MEGF11: variants seen among roughly 807,000 people sequenced by gnomAD.
MEGF11 encodes multiple epidermal growth factor-like domains protein 11.
MEGF11 carries 126 observed loss-of-function variants against 146.6 expected under a neutral mutation model. That is an observed-to-expected ratio of 0.86 (90% confidence interval 0.74 to 1.00). MEGF11 has a LOEUF of 1.00. Among genes scored for constraint, MEGF11 ranks in the 50% least tolerant of loss-of-function variants. The pLI is 0.00. For missense variants in MEGF11, 1,509 were observed against 1,521.2 expected (o/e 0.99, Z 0.13); for synonymous variants, 532 against 583.4 (o/e 0.91, Z 1.27).
intron 13 of MEGF11, among the ~76,000 whole-genome samples, chr15:65,926,910 G>A (rs1490669419): frequency 6.6e-6 from 1 of 152,110 alleles, no homozygotes; most frequent in East Asian, 1.9e-4. Flanking sequence ...CTTTACTGAC[G>A]GGCAGGAGCC....
chr15:66,137,708 G>A (rs1034556546), intron 1 of MEGF11, among the ~76,000 whole-genome samples: 1 of 151,572 alleles, frequency 6.6e-6, no homozygotes, highest in African/African-American at 2.4e-5. Context: ...TTCACACTAC[G>A]ACACCTGGCT....
chr15:66,092,251 G>C (rs1436468957), intron 5 of MEGF11, among the ~76,000 whole-genome samples: 2 of 152,234 alleles, frequency 1.3e-5, no homozygotes, highest in African/African-American at 4.8e-5. Context: ...GCTCTTAGCA[G>C]AGCATCTAAA....
intron 4 of MEGF11, among the ~76,000 whole-genome samples, chr15:66,104,859 G>C (rs906647762): frequency 6.6e-6 from 1 of 152,116 alleles, no homozygotes; most frequent in Non-Finnish European, 1.5e-5. Context: ...GGCAAAACGC[G>C]AGTCCTCTCA....
intron 8 of MEGF11, among the ~76,000 whole-genome samples, chr15:65,966,188 G>T (rs1596923349): frequency 6.6e-6 from 1 of 152,244 alleles, no homozygotes; most frequent in South Asian, 2.1e-4. Flanking sequence ...TAGAGACGGG[G>T]TTTCACCATG....
chr15:65,965,596 CTTTCTTTTTTTTTTTTCTTT>C (rs1018396337), intron 8 of MEGF11, among the ~76,000 whole-genome samples: 5 of 14,662 alleles, frequency 3.4e-4, no homozygotes, highest in Middle Eastern at 0.038. Flanking sequence ...TTCTTTCTTT[CTTTCTTTTTTTTTTTTCTTT>C]TTTTTTTTTT....
chr15:65,910,267 C>A (rs758392227), intron 21 of MEGF11, among the ~76,000 whole-genome samples: 2 of 152,178 alleles, frequency 1.3e-5, no homozygotes, highest in Admixed American at 1.3e-4. Context: ...TTTCCTGCGA[C>A]CAAAGGAAAG....
At chr15:66,040,926 TC>T (rs11435723) in intron 5 of MEGF11, among the ~76,000 whole-genome samples, 2 of 145,074 alleles carry the variant, frequency 1.4e-5, no homozygotes, top group African/African-American at 5.1e-5. Context: ...TTTTTTTTTT[TC>T]CCCCCCGGTT....
intron 10 of MEGF11, among the ~76,000 whole-genome samples, chr15:65,936,393 A>C (rs893849895): frequency 6.6e-6 from 1 of 152,144 alleles, no homozygotes; most frequent in African/African-American, 2.4e-5. Context: ...TACATAATGG[A>C]TCCTTGATAA....
intron 1 of MEGF11, among the ~76,000 whole-genome samples, chr15:66,174,459 T>C (rs567509530): frequency 6.6e-6 from 1 of 152,298 alleles, no homozygotes; most frequent in African/African-American, 2.4e-5. Context: ...CTGGATCCTC[T>C]CTCAACCCTG....
Position 66,064,038 on chromosome 15 carries a change from C to T in MEGF11, c.394+30364G>A, listed in dbSNP as rs893818124. Among the ~76,000 whole-genome samples the T allele has an allele frequency of 3.3e-5, 5 of 152,310 alleles. No homozygotes were observed. In the South Asian group the frequency reaches 6.2e-4, roughly 19 times the overall value. On this transcript the variant is annotated intron_variant, in intron 5 of 25. Coordinates refer to ENST00000395614, the MANE Select transcript of MEGF11 (RefSeq NM_001385028.1). ...CCCATGTTCAGAACCTATCACCACA[C>T]CTGCCACCTAGCACGTTGATGAAAC...
chr15:65,902,271 C>T (rs1469571088), intron 24 of MEGF11: 1 of 152,172 alleles, frequency 6.6e-6, no homozygotes, highest in African/African-American at 2.4e-5. Flanking sequence ...CAATTGTTGG[C>T]TCTGGAGCAG....
chr15:66,077,077 C>T (rs1296576068), intron 5 of MEGF11, among the ~76,000 whole-genome samples: 2 of 152,212 alleles, frequency 1.3e-5, no homozygotes, highest in Middle Eastern at 3.2e-3. Flanking sequence ...CAGGGGCTCC[C>T]CATGCCCACA....
At chr15:66,060,120 C>T (rs1397808035) in intron 5 of MEGF11, among the ~76,000 whole-genome samples, 2 of 151,106 alleles carry the variant, frequency 1.3e-5, no homozygotes, top group South Asian at 2.1e-4. Context: ...AGATGAGTGA[C>T]TAGGAGATGG....
chr15:66,035,964 C>A (rs1010302234), intron 5 of MEGF11, among the ~76,000 whole-genome samples: 1 of 152,252 alleles, frequency 6.6e-6, no homozygotes, highest in Admixed American at 6.5e-5. Context: ...CTGCTTTCAG[C>A]ACAGCTGTGG....
intron 1 of MEGF11, among the ~76,000 whole-genome samples, chr15:66,173,889 G>C (rs1344399385): frequency 2.6e-5 from 4 of 152,214 alleles, no homozygotes; most frequent in African/African-American, 9.6e-5. Flanking sequence ...CATCCTGGCA[G>C]CTCAAGTCAA....
At chr15:66,178,507 A>C (rs1430880599) in intron 1 of MEGF11, among the ~76,000 whole-genome samples, 1 of 152,154 alleles carries the variant, frequency 6.6e-6, no homozygotes, top group Admixed American at 6.5e-5. Flanking sequence ...AGGTTTTAGC[A>C]CCTGAATTCC....
intron 15 of MEGF11, 139 bp from the exon 16 acceptor site, chr15:65,918,233 C>G: frequency 8.7e-7 from 1 of 1,146,054 alleles, no homozygotes; most frequent in Non-Finnish European, 1.2e-6. Flanking sequence ...ACCACGCCCG[C>G]CTTGGTACCC....
At chr15:66,192,361 T>C (rs927966571) in intron 1 of MEGF11, among the ~76,000 whole-genome samples, 1 of 151,564 alleles carries the variant, frequency 6.6e-6, no homozygotes. Flanking sequence ...TCCCAGCTAT[T>C]TGGGAGGCTG....
intron 5 of MEGF11, among the ~76,000 whole-genome samples, chr15:66,033,896 A>G (rs2083627597): frequency 6.6e-6 from 1 of 152,136 alleles, no homozygotes; most frequent in African/African-American, 2.4e-5. Context: ...GGTTCAAGCA[A>G]TTCTTTGCCT....
Sources: allele counts gnomAD v4.1 joint callset (sites outside exome capture counted in the v4.1 genomes callset), GRCh38; gene constraint gnomAD v4.1.1; transcripts MANE v1.5; gene names NCBI Gene and HGNC (gene_info 2026-07-23, HGNC 2026-07-21).